The following WDR62 variants were observed in gnomAD, a reference collection of about 807,000 sequenced individuals.
The protein encoded by WDR62 is WD repeat domain 62, also known as WD repeat-containing protein 62.
WDR62 carries 112 observed loss-of-function variants against 160.6 expected under a neutral mutation model. The ratio of observed to expected loss-of-function variants is 0.70; its 90% CI spans 0.60 to 0.82. The LOEUF is 0.82. Ranked by LOEUF, WDR62 falls within the 40% of genes least tolerant of loss-of-function variation. The pLI, the probability that WDR62 is intolerant of heterozygous loss-of-function variation, is 0.00. For missense variants in WDR62, 1,819 were observed against 1,983.8 expected, an observed-to-expected ratio of 0.92 and a Z score of 1.58; for synonymous variants, 792 against 815.1, an observed-to-expected ratio of 0.97 and a Z score of 0.48.
chr19:36,111,031 G>C, the WDR62 span: 4 of 625,896 alleles, frequency 6.4e-6, no homozygotes, highest in Non-Finnish European at 1.1e-5. Flanking sequence ...CCCCAGGCAG[G>C]GGTAACCTGA....
chr19:36,097,707 G>A (rs1973058207), intron 21 of WDR62, among the ~76,000 whole-genome samples: 1 of 151,668 alleles, frequency 6.6e-6, no homozygotes, highest in Admixed American at 6.6e-5. Context: ...AATATAGTGA[G>A]ACCCCATCTC....
chr19:36,080,883 CA>C (rs1285795152), intron 9 of WDR62, among the ~76,000 whole-genome samples: 3 of 152,196 alleles, frequency 2.0e-5, no homozygotes, highest in African/African-American at 7.2e-5. Flanking sequence ...TTTAGTTCTT[CA>C]AACATATTGA....
chr19:36,059,822 G>C lies in WDR62; in HGVS notation c.270-146G>C, dbSNP rs1014651211. ...GTTAAAGTGCCCTAGAATTCTCAGC[G>C]TAAACACCTGGAGGAGGGGGAGGAG... is the stretch of plus-strand genomic sequence containing the variant. On this transcript the variant is annotated intron_variant, in intron 2 of 31. Transcript: ENST00000401500. 1.6e-5 allele frequency: 13 copies of C among 818,164 alleles called. No individual in the cohort carries two copies. In the Admixed American group the frequency reaches 1.7e-4, roughly 11 times the overall value. 50.7% of individuals were successfully genotyped at this position (818,164 alleles called of 1,614,324 possible).
In WDR62 at chr19:36,073,477, A is replaced by C; in HGVS notation, c.1179A>C (p.Arg393Ser). ...IYIWDVKDIN[R>S]VGKVWSELFH... Reference sequence around the variant, plus strand: ...TCTGGGATGTCAAGGACATCAACAGAGTGGGCAAGGTGTGGTCAGAGCTCT... The same window carrying C: ...TCTGGGATGTCAAGGACATCAACAGCGTGGGCAAGGTGTGGTCAGAGCTCT... The change falls in exon 9 of 32, where the codon AGA becomes AGC. Residue 393 changes from arginine (R) to serine (S), a missense_variant. Transcript: ENST00000401500. The C allele has an allele frequency of 6.2e-7, 1 of 1,614,026 alleles. No homozygotes were observed. Among genetic ancestry groups the C allele is most frequent in the Non-Finnish European group, 8.5e-7 (1 of 1,179,984 alleles).
At chr19:36,066,544 A>G (rs925743431) in intron 5 of WDR62, 117 bp downstream of exon 5, 6 of 1,165,824 alleles carry the variant, frequency 5.1e-6, no homozygotes, top group Non-Finnish European at 7.4e-6. Context: ...CCCAACAGAT[A>G]ACAGCTATTG....
chr19:36,075,009 C>T (rs970854472), intron 9 of WDR62: 3 of 151,986 alleles, frequency 2.0e-5, no homozygotes, highest in African/African-American at 7.3e-5. Context: ...AGAAAATTCT[C>T]AGCCAATACT....
intron 19 of WDR62, 50 bp from the exon 20 acceptor site, chr19:36,093,981 C>G (rs1288394233): frequency 6.2e-7 from 1 of 1,611,036 alleles, no homozygotes; most frequent in East Asian, 2.2e-5. Context: ...TCCCCACCAC[C>G]AGCCCATTTG....
chr19:36,059,947 C>T (rs202167307), intron 2 of WDR62, 21 bp from the exon 3 acceptor site: 2 of 1,614,096 alleles, frequency 1.2e-6, no homozygotes, highest in Non-Finnish European at 1.7e-6. Context: ...AGTTGAGGCA[C>T]ATTTTCCTCT....
chr19:36,073,411 C>T lies in WDR62; in HGVS notation c.1113C>T (p.His371=), dbSNP rs141544508. Residue 371 remains histidine (H), a synonymous_variant, in exon 9 of 32, where the codon CAC becomes CAT. Coordinates refer to ENST00000401500, the MANE Select transcript of WDR62 (RefSeq NM_001083961.2). ...TGGCACTGACCTTCGACCCCATCCA[C>T]CAGTGGCTGTCCTGCGTGTATAAGG... The part of the protein sequence containing the change: ...DTVALTFDPI[H]QWLSCVYKDH... 21 of 1,614,062 alleles carry T rather than the reference C, an allele frequency of 1.3e-5. No homozygotes were observed. Among genetic ancestry groups the T allele is most frequent in the African/African-American group, 4.0e-5 (3 of 74,926 alleles).
At chr19:36,105,198 G>GT, downstream of WDR62, 1 of 819,940 alleles carries the variant, frequency 1.2e-6, no homozygotes, top group East Asian at 2.7e-5. Flanking sequence ...CAGAGGACTC[G>GT]TGTCTGTCAG....
At chr19:36,079,068 G>A (rs955427577) in intron 9 of WDR62, among the ~76,000 whole-genome samples, 2 of 151,426 alleles carry the variant, frequency 1.3e-5, no homozygotes, top group East Asian at 1.9e-4. Context: ...TCTTTTTTTT[G>A]TGGGGGTGGG....
rs1970565177 is a variant in WDR62, at chr19:36,060,033, A to G, written c.332+3A>G. The stretch of plus-strand genomic sequence containing the variant: ...CAGCACATCTTTAACACCGCCAGGT[A>G]GGCTGAGGCCTGGGCCCGGGGCAGG... On this transcript the variant is annotated splice_donor_region_variant and intron_variant, in intron 3 of 31. Transcript: ENST00000401500. 1 of 1,614,112 alleles carries G rather than the reference A, an allele frequency of 6.2e-7. No individual in the cohort carries two copies. The highest frequency in any genetic ancestry group is 1.3e-5 in the African/African-American group (1 of 74,950).
chr19:36,083,846 T>C (rs1356138471), intron 11 of WDR62, among the ~76,000 whole-genome samples: 2 of 151,744 alleles, frequency 1.3e-5, no homozygotes, highest in Non-Finnish European at 2.9e-5. Context: ...CCCAGGAGAG[T>C]AGGCTACAAG....
rs777316683 is a variant in WDR62, at chr19:36,104,669, C to T, written c.4305C>T (p.Tyr1435=). ...CCTTCCAAGAAGCCCTCGACCTTTACCGTGTGGTGAGCTAAGCCCCAGAGT... is the reference window on the plus strand; with the variant it reads ...CCTTCCAAGAAGCCCTCGACCTTTATCGTGTGGTGAGCTAAGCCCCAGAGT... The part of the protein sequence containing the change: ...QTTFQEALDL[Y]RVLVSSGQVD... The change falls in exon 31 of 32, where the codon TAC becomes TAT. Residue 1435 remains tyrosine, a synonymous_variant. Coordinates refer to ENST00000401500, the MANE Select transcript of WDR62 (RefSeq NM_001083961.2). 2 of 1,614,098 alleles carry T rather than the reference C, an allele frequency of 1.2e-6. No homozygotes were observed. Among genetic ancestry groups the T allele is most frequent in the South Asian group, 2.2e-5 (2 of 91,086 alleles).
intron 9 of WDR62, among the ~76,000 whole-genome samples, chr19:36,080,455 T>C (rs1358601168): frequency 1.4e-5 from 2 of 147,122 alleles, no homozygotes; most frequent in Non-Finnish European, 3.0e-5. Context: ...AGATGGAGTT[T>C]CGCTCTTGTT....
rs1477468196 is a variant in WDR62, at chr19:36,083,128, A to G, written c.1437A>G (p.Pro479=). 2 of 1,613,766 alleles carry G rather than the reference A, an allele frequency of 1.2e-6. No individual in the cohort carries two copies. The highest frequency in any genetic ancestry group is 3.3e-5 in the Admixed American group (2 of 59,980). The change falls in exon 11 of 32, where the codon CCA becomes CCG. Residue 479 remains proline, a synonymous_variant. Coordinates refer to ENST00000401500, the MANE Select transcript of WDR62 (RefSeq NM_001083961.2). The part of the protein sequence containing the change: ...IQHLQDMSHF[P]DRGSENGTPM... ...ACCTGCAGGACATGTCACACTTCCCAGACCGGGGGAGCGAGAATGGGACAC... is the reference window on the plus strand; with the variant it reads ...ACCTGCAGGACATGTCACACTTCCCGGACCGGGGGAGCGAGAATGGGACAC...
intron 9 of WDR62, among the ~76,000 whole-genome samples, chr19:36,078,855 G>C (rs1349469420): frequency 6.9e-6 from 1 of 144,370 alleles, no homozygotes; most frequent in African/African-American, 2.6e-5. Context: ...AAAAAACAAA[G>C]TAAGTTATAG....
intron 7 of WDR62, among the ~76,000 whole-genome samples, chr19:36,068,650 G>GTGTCCAT (rs1390693548): frequency 6.6e-6 from 1 of 152,222 alleles, no homozygotes; most frequent in Admixed American, 6.5e-5. Flanking sequence ...CACAGCACAT[G>GTGTCCAT]TTTCAGAGAG....
chr19:36,104,243 T>C (rs901455774), intron 30 of WDR62, among the ~76,000 whole-genome samples: 2 of 152,198 alleles, frequency 1.3e-5, no homozygotes, highest in Admixed American at 6.5e-5. Context: ...ACCCGTCATA[T>C]GTATCACGAA....
Sources: allele counts gnomAD v4.1 joint callset (sites outside exome capture counted in the v4.1 genomes callset), GRCh38; gene constraint gnomAD v4.1.1; transcripts MANE v1.5; gene names NCBI Gene and HGNC (gene_info 2026-07-23, HGNC 2026-07-21).